The following KIAA1549L variants were observed in gnomAD, a reference collection of about 807,000 sequenced individuals.
KIAA1549L encodes KIAA1549 like, also known as UPF0606 protein KIAA1549L.
Under a neutral mutation model 160.7 loss-of-function variants are expected in KIAA1549L, and 88 were observed. The ratio of observed to expected loss-of-function variants is 0.55; its 90% confidence interval spans 0.46 to 0.65. The LOEUF is 0.65. Among genes scored for constraint, KIAA1549L ranks in the 30% least tolerant of loss-of-function variants. The pLI is 0.00. For synonymous variants in KIAA1549L, 950 were observed against 976.7 expected (o/e 0.97, Z 0.51); for missense variants, 2,258 against 2,437.5 (o/e 0.93, Z 1.55).
intron 1 of KIAA1549L, among the ~76,000 whole-genome samples, chr11:33,512,435 T>C (rs1370447518): frequency 6.6e-6 from 1 of 152,216 alleles, no homozygotes; most frequent in African/African-American, 2.4e-5. Context: ...ATTATTATTA[T>C]TTTTTGAGAC....
chr11:33,384,231 A>G lies in KIAA1549L; in HGVS notation c.238+7342A>G, dbSNP rs573647033. ...GGTCGTAGAAATGGAATTGTACTGT[A>G]TATAACATTTTGCATTTGGCTTCTT... On this transcript the variant is annotated intron_variant, in intron 1 of 20. Coordinates refer to ENST00000658780, the MANE Select transcript of KIAA1549L (RefSeq NM_012194.3). Among the ~76,000 whole-genome samples, 20 of 152,330 alleles carry G rather than the reference A, an allele frequency of 1.3e-4. No individual in the cohort carries two copies. In the South Asian group the frequency reaches 4.1e-3, roughly 32 times the overall value.
intron 17 of KIAA1549L, among the ~76,000 whole-genome samples, chr11:33,649,817 A>T (rs1851832389): frequency 6.7e-6 from 1 of 148,636 alleles, no homozygotes; most frequent in Admixed American, 6.8e-5. Context: ...GCTTGAGCCC[A>T]GGAGTTCGAG....
rs559665286 is a variant in KIAA1549L at position 33,609,926 on chromosome 11, G to C, written c.5239G>C (p.Asp1747His). The change falls in exon 15 of 21, where the codon GAT becomes CAT. Residue 1747 changes from aspartate to histidine, a missense_variant. Asp to His is a moderately conservative substitution (Grantham distance 81). Around this residue, in one of 6 missense-constraint regions of KIAA1549L, gnomAD observed 1,359 missense variants for 1,546.6 expected, o/e 0.88. Coordinates refer to ENST00000658780, the MANE Select transcript of KIAA1549L (RefSeq NM_012194.3). ...PKEMEHVLDP[D>H]SELCAPFTES... ...GGAAATGGAGCATGTTTTGGATCCA[G>C]ATTCAGAACTCTGTGCTCCATTCAC... The C allele has an allele frequency of 6.2e-7, 1 of 1,613,988 alleles. No individual in the cohort carries two copies. The highest frequency in any genetic ancestry group is 1.3e-5 in the African/African-American group (1 of 75,060).
chr11:33,489,251 G>C (rs537339484), intron 1 of KIAA1549L, among the ~76,000 whole-genome samples: 1 of 152,180 alleles, frequency 6.6e-6, no homozygotes, highest in Non-Finnish European at 1.5e-5. Context: ...GTAAGGTCTC[G>C]CTCCCCACCT....
At chr11:33,459,960 C>CAAAAAAAAAAAAAAAAAAAA (rs61580338) in intron 1 of KIAA1549L, among the ~76,000 whole-genome samples, 4 of 67,186 alleles carry the variant, frequency 6.0e-5, no homozygotes, top group African/African-American at 3.0e-4. Flanking sequence ...GACTCCGTCT[C>CAAAAAAAAAAAAAAAAAAAA]AAAAAAAAAA....
chr11:33,496,014 G>C (rs1293472993), intron 1 of KIAA1549L, among the ~76,000 whole-genome samples: 1 of 152,182 alleles, frequency 6.6e-6, no homozygotes, highest in African/African-American at 2.4e-5. Flanking sequence ...CCAGGCTGGA[G>C]TGCAGAGGTG....
chr11:33,648,020 A>T (rs1402043155), intron 17 of KIAA1549L, among the ~76,000 whole-genome samples: 1 of 152,062 alleles, frequency 6.6e-6, no homozygotes, highest in Non-Finnish European at 1.5e-5. Flanking sequence ...ACTGAGTCTC[A>T]CTCTGTCACC....
chr11:33,539,111 T>A (rs1236762179), intron 1 of KIAA1549L, among the ~76,000 whole-genome samples: 1 of 152,226 alleles, frequency 6.6e-6, no homozygotes, highest in African/African-American at 2.4e-5. Context: ...ATTTGGTAAT[T>A]CAGTGAACAT....
intron 1 of KIAA1549L, among the ~76,000 whole-genome samples, chr11:33,529,509 C>T (rs913380907): frequency 6.6e-5 from 10 of 152,170 alleles, no homozygotes; most frequent in Admixed American, 1.3e-4. Flanking sequence ...AGCCTCAAAA[C>T]AGTCTTGTGA....
rs1855042855 is a variant in KIAA1549L, at chr11:33,566,175, A to G, written c.4079-1901A>G. 3.3e-5 allele frequency among the ~76,000 whole-genome samples: 5 copies of G among 151,884 alleles called. 1 individual carries two copies. In the South Asian group the frequency reaches 1.0e-3, roughly 32 times the overall value. On this transcript the variant is annotated intron_variant, in intron 8 of 20. Coordinates refer to ENST00000658780, the MANE Select transcript of KIAA1549L (RefSeq NM_012194.3). ...TTTTGTCCCCTGGAGGCTTTTGACT[A>G]TTCCCTTTATTTGATGTCTGCCTTT...
At chr11:33,574,573 T>G (rs1590358124) in intron 9 of KIAA1549L, 129 bp from the exon 10 acceptor site, 4 of 698,096 alleles carry the variant, frequency 5.7e-6, no homozygotes, top group South Asian at 4.7e-5. Context: ...TATAGGGAGG[T>G]ATGTGAAGGT....
At chr11:33,557,419 A>T (rs1423713355) in intron 6 of KIAA1549L, among the ~76,000 whole-genome samples, 2 of 152,144 alleles carry the variant, frequency 1.3e-5, no homozygotes, top group Non-Finnish European at 2.9e-5. Context: ...GTTCAGAAAG[A>T]AATGCCTTTC....
At chr11:33,610,407 A>G (rs896779765) in intron 15 of KIAA1549L, among the ~76,000 whole-genome samples, 1 of 152,242 alleles carries the variant, frequency 6.6e-6, no homozygotes, top group African/African-American at 2.4e-5. Context: ...TCAGAGCTCC[A>G]TGCTGGTTTA....
chr11:33,549,440 C>G (rs1193423429), intron 4 of KIAA1549L, among the ~76,000 whole-genome samples: 2 of 152,118 alleles, frequency 1.3e-5, no homozygotes, highest in Admixed American at 1.3e-4. Context: ...AGACTTATTC[C>G]TTGGGGTCAT....
intron 1 of KIAA1549L, among the ~76,000 whole-genome samples, chr11:33,481,257 A>G (rs1852406201): frequency 6.6e-6 from 1 of 151,762 alleles, no homozygotes; most frequent in Admixed American, 6.6e-5. Context: ...TCGTATTTTG[A>G]TATTACTATT....
intron 8 of KIAA1549L, among the ~76,000 whole-genome samples, chr11:33,563,348 C>CAAAAAAA (rs68027285): frequency 1.0e-5 from 1 of 95,944 alleles, no homozygotes. Context: ...GACCGTGTCT[C>CAAAAAAA]AAAAAAAAAA....
At chr11:33,446,718 A>C (rs973997966) in intron 1 of KIAA1549L, among the ~76,000 whole-genome samples, 2 of 151,976 alleles carry the variant, frequency 1.3e-5, no homozygotes, top group African/African-American at 4.8e-5. Context: ...AAGATGGCTC[A>C]CTCATATGAC....
intron 16 of KIAA1549L, among the ~76,000 whole-genome samples, chr11:33,620,362 A>G (rs890318838): frequency 6.6e-6 from 1 of 152,234 alleles, no homozygotes; most frequent in Non-Finnish European, 1.5e-5. Flanking sequence ...TCTCAAAAAT[A>G]TGATGATAAG....
At chr11:33,384,657 C>T (rs2761209) in intron 1 of KIAA1549L, among the ~76,000 whole-genome samples, 115,653 of 152,168 alleles carry the variant, frequency 0.76, 44,394 homozygotes, top group African/African-American at 0.87. Context: ...ATTCTAATAG[C>T]TGTTTAGTGG....
Sources: allele counts gnomAD v4.1 joint callset (sites outside exome capture counted in the v4.1 genomes callset), GRCh38; gene constraint gnomAD v4.1.1; regional missense constraint gnomAD v4.1.1; transcripts MANE v1.5; gene names NCBI Gene and HGNC (gene_info 2026-07-23, HGNC 2026-07-21).